The following MAP1LC3C variants were observed in gnomAD, a reference collection of about 807,000 sequenced individuals.
MAP1LC3C encodes the protein microtubule-associated protein 1 light chain 3 gamma.
MAP1LC3C carries 12 observed loss-of-function variants against 10.4 expected under a neutral mutation model. The ratio of observed to expected loss-of-function variants is 1.15; its 90% CI spans 0.74 to 1.86. The LOEUF (loss-of-function observed/expected upper bound fraction) is 1.86, where lower values mean the gene tolerates loss of function less well. Ranked by LOEUF, MAP1LC3C falls within the 40% of genes most tolerant of loss-of-function variation. The pLI is 0.00. For missense variants in MAP1LC3C, 177 were observed against 185.7 expected, an observed-to-expected ratio of 0.95 and a Z score of 0.27; for synonymous variants, 70 against 69.0, an observed-to-expected ratio of 1.01 and a Z score of -0.07.
intron 3 of MAP1LC3C, among the ~76,000 whole-genome samples, chr1:241,996,653 T>C (rs1431942672): frequency 6.6e-6 from 1 of 152,016 alleles, no homozygotes; most frequent in Non-Finnish European, 1.5e-5. Context: ...CTGGATGCAG[T>C]GGCTCACACC....
upstream of MAP1LC3C, among the ~76,000 whole-genome samples, chr1:242,000,311 G>A (rs1477478738): frequency 6.6e-6 from 1 of 152,196 alleles, no homozygotes; most frequent in African/African-American, 2.4e-5. Flanking sequence ...CACGATCTCA[G>A]CTCACTGCAA....
At position 241,996,337 on chromosome 1, in the gene MAP1LC3C, G is replaced by C. The variant is rs756184020; in HGVS notation, c.270C>G (p.Asn90Lys). The C allele has an allele frequency of 6.2e-7, 1 of 1,614,096 alleles. No homozygotes were observed. The highest frequency in any genetic ancestry group is 8.5e-7 in the Non-Finnish European group (1 of 1,180,014). The change falls in exon 4 of 4, where the codon AAC (asparagine) becomes AAG (lysine). Residue 90 changes from asparagine to lysine, a missense_variant. Physicochemically the swap from Asn to Lys is moderately conservative, Grantham distance 94 (BLOSUM62 0). Transcript: ENST00000357246. Reference sequence around the variant, plus strand: ...CGCTCATGCTGACCAGGCTCTTGTTGTTCACCAGCAAGTAAAAGGCTTCCG... The same window carrying C: ...CGCTCATGCTGACCAGGCTCTTGTTCTTCACCAGCAAGTAAAAGGCTTCCG... The part of the protein sequence containing the change: ...RATEAFYLLV[N>K]NKSLVSMSAT...
chr1:241,997,603 T>A (rs777333906), intron 3 of MAP1LC3C, among the ~76,000 whole-genome samples: 5 of 152,210 alleles, frequency 3.3e-5, no homozygotes, highest in Admixed American at 3.3e-4. Flanking sequence ...TCAACCCTGT[T>A]GAAAACTTAC....
chr1:241,996,334 G>A lies in MAP1LC3C; in HGVS notation c.273C>T (p.Asn91=), dbSNP rs1665085202. 3 of 1,614,016 alleles carry A rather than the reference G, an allele frequency of 1.9e-6. No individual in the cohort carries two copies. Among genetic ancestry groups the A allele is most frequent in the Non-Finnish European group, 2.5e-6 (3 of 1,180,020 alleles). The stretch of plus-strand genomic sequence containing the variant: ...TTGCGCTCATGCTGACCAGGCTCTT[G>A]TTGTTCACCAGCAAGTAAAAGGCTT... ...ATEAFYLLVN[N]KSLVSMSATM... The change falls in exon 4 of 4, where the codon AAC becomes AAT. Residue 91 remains asparagine, a synonymous_variant. Coordinates refer to ENST00000357246, the MANE Select transcript of MAP1LC3C (RefSeq NM_001004343.3).
At chr1:241,997,522 A>G (rs377760519) in intron 3 of MAP1LC3C, among the ~76,000 whole-genome samples, 1 of 152,146 alleles carries the variant, frequency 6.6e-6, no homozygotes. Context: ...AAAGCAAAAT[A>G]AAAAGACACT....
In MAP1LC3C at chr1:241,999,082, C is replaced by T; in HGVS notation, c.-74G>A. On this transcript the variant is annotated 5_prime_UTR_variant, in exon 1 of 4. Coordinates refer to ENST00000357246, the MANE Select transcript of MAP1LC3C (RefSeq NM_001004343.3). ...GCAACCGGGAACCTAACTCATTCCT[C>T]CAGCTGCTTCCAAACTGCCTGCAGG... is the stretch of plus-strand genomic sequence containing the variant. The T allele has an allele frequency of 6.5e-7, 1 of 1,530,370 alleles. No homozygotes were observed. Among genetic ancestry groups the T allele is most frequent in the African/African-American group, 1.4e-5 (1 of 72,098 alleles). The allele number at this position is 1,530,370 out of a possible 1,614,324, so 94.8% of individuals were successfully genotyped here.
At position 241,996,154 on chromosome 1, in the gene MAP1LC3C, C is replaced by T. The variant is rs200884969; in HGVS notation, c.*9G>A. 32 of 1,607,986 alleles carry T rather than the reference C, an allele frequency of 2.0e-5. No individual in the cohort carries two copies. The highest frequency in any genetic ancestry group is 3.3e-5 in the Admixed American group (2 of 59,788). On this transcript the variant is annotated 3_prime_UTR_variant, in exon 4 of 4. Coordinates refer to ENST00000357246, the MANE Select transcript of MAP1LC3C (RefSeq NM_001004343.3). ...CGTCTGTCAGAGCACACATCCTTCC[C>T]GACATGGGCTAGAGAGGATTGCAGG...
At chr1:241,997,337 G>A (rs937432230) in intron 3 of MAP1LC3C, among the ~76,000 whole-genome samples, 13 of 152,072 alleles carry the variant, frequency 8.5e-5, no homozygotes, top group African/African-American at 2.4e-4. Context: ...GGGCAACATC[G>A]TGAGACCCCC....
At chr1:242,000,243 G>A (rs560173105), upstream of MAP1LC3C, among the ~76,000 whole-genome samples, 60 of 152,196 alleles carry the variant, frequency 3.9e-4, no homozygotes, top group African/African-American at 1.2e-3. Flanking sequence ...TGTGTTTGTT[G>A]TTTTTTTGCT....
rs757459119 is a variant in MAP1LC3C, at chr1:241,996,426, A to G, written c.222-41T>C. The G allele has an allele frequency of 9.1e-6, 14 of 1,536,930 alleles. No homozygotes were observed. In the South Asian group the frequency reaches 1.6e-4, roughly 17 times the overall value. On this transcript the variant is annotated intron_variant, in intron 3 of 3. Transcript: ENST00000357246. ...GGGTGGTGAGGGTATGGCCTGCGAG[A>G]CAGCCCAGGGATCTGCAGCCTCATG...
chr1:241,999,554 A>T (rs559692110), upstream of MAP1LC3C, among the ~76,000 whole-genome samples: 6 of 152,304 alleles, frequency 3.9e-5, no homozygotes, highest in South Asian at 1.0e-3. Context: ...AGAGCTGTAC[A>T]CTGGGTGCAG....
chr1:242,001,186 A>C (rs1411478311), upstream of MAP1LC3C, among the ~76,000 whole-genome samples: 1 of 152,104 alleles, frequency 6.6e-6, no homozygotes, highest in Non-Finnish European at 1.5e-5. Flanking sequence ...CTGAGGTAGG[A>C]GAATGGCTTG....
At chr1:241,997,786 G>T (rs1430893739) in intron 3 of MAP1LC3C, among the ~76,000 whole-genome samples, 1 of 152,016 alleles carries the variant, frequency 6.6e-6, no homozygotes, top group Non-Finnish European at 1.5e-5. Flanking sequence ...AGCAGGGAAC[G>T]TTTCCTTTGG....
upstream of MAP1LC3C, among the ~76,000 whole-genome samples, chr1:242,000,068 TG>T (rs1464382376): frequency 2.2e-3 from 337 of 151,938 alleles, no homozygotes; most frequent in African/African-American, 7.7e-3. Context: ...TGTGGGTGGG[TG>T]GGGGTTCCCC....
At chr1:241,996,523 T>A (rs576469964) in intron 3 of MAP1LC3C, 138 bp from the exon 4 acceptor site, 14 of 681,388 alleles carry the variant, frequency 2.1e-5, no homozygotes, top group East Asian at 1.4e-4. Context: ...CCCATTTGGG[T>A]CAAAAGGGTG....
chr1:241,998,421 C>G (rs1246506055), intron 3 of MAP1LC3C, 93 bp downstream of exon 3: 4 of 1,021,304 alleles, frequency 3.9e-6, no homozygotes, highest in East Asian at 2.4e-5. Flanking sequence ...TGACGTGCCC[C>G]CATCCCCAAA....
At chr1:241,998,409 C>T in intron 3 of MAP1LC3C, 105 bp downstream of exon 3, 1 of 878,242 alleles carries the variant, frequency 1.1e-6, no homozygotes. Flanking sequence ...CCTCTCTTCC[C>T]CTGACGTGCC....
intron 3 of MAP1LC3C, among the ~76,000 whole-genome samples, chr1:241,996,919 A>AAAAAAAAAAAAAAAAAAAAAAAAAAC (rs1346204196): frequency 6.6e-6 from 1 of 150,490 alleles, no homozygotes; most frequent in Non-Finnish European, 1.5e-5. Context: ...CAAAAAAAAA[A>AAAAAAAAAAAAAAAAAAAAAAAAAAC]AAAAAAGAAA....
chr1:241,998,021 C>CTT (rs58237405), intron 3 of MAP1LC3C, among the ~76,000 whole-genome samples: 1,032 of 95,352 alleles, frequency 0.011, 58 homozygotes, highest in African/African-American at 0.04. Context: ...TAGAGTAATT[C>CTT]TTTTTTTTTT....
Sources: allele counts gnomAD v4.1 joint callset (sites outside exome capture counted in the v4.1 genomes callset), GRCh38; gene constraint gnomAD v4.1.1; transcripts MANE v1.5; gene names NCBI Gene and HGNC (gene_info 2026-07-23, HGNC 2026-07-21).